Variants in OCA2 observed in about 807,000 individuals in gnomAD.
The protein encoded by OCA2 is P protein.
OCA2 carries 77 observed loss-of-function variants against 100.2 expected under a neutral mutation model. That is an observed-to-expected ratio of 0.77 (90% confidence interval 0.64 to 0.93). The LOEUF is 0.93. Among genes scored for constraint, OCA2 ranks in the 40% least tolerant of loss-of-function variants. OCA2 has a pLI of 0.00. For synonymous variants in OCA2, 432 were observed against 439.2 expected, an observed-to-expected ratio of 0.98 and a Z score of 0.21; for missense variants, 1,062 against 1,089.1, an observed-to-expected ratio of 0.98 and a Z score of 0.35.
At chr15:27,967,778 G>A (rs1373151231) in intron 14 of OCA2, among the ~76,000 whole-genome samples, 2 of 152,240 alleles carry the variant, frequency 1.3e-5, no homozygotes, top group Non-Finnish European at 2.9e-5. Context: ...TTAGAGTTGG[G>A]CAAATCCCCA....
At chr15:28,044,036 T>C (rs1242031609) in intron 2 of OCA2, among the ~76,000 whole-genome samples, 1 of 152,194 alleles carries the variant, frequency 6.6e-6, no homozygotes, top group Non-Finnish European at 1.5e-5. Context: ...TACCTCCATA[T>C]GTTATTGGAT....
chr15:27,973,916 T>C (rs1289489920), intron 14 of OCA2, among the ~76,000 whole-genome samples: 1 of 152,224 alleles, frequency 6.6e-6, no homozygotes, highest in Non-Finnish European at 1.5e-5. Context: ...GTTAAGTATA[T>C]CCCTAGGTAT....
rs1226502822 is a variant in OCA2 at position 27,955,156 on chromosome 15, A to G, written c.1842+2T>C. ...AATCCCTGAGGAAAGAAAGCTGGGT[A>G]CCTTTTTTTGGAGTTCTTGGATATT... On this transcript the variant is annotated splice_donor_variant, in intron 17 of 23. Coordinates refer to ENST00000354638, the MANE Select transcript of OCA2 (RefSeq NM_000275.3). LOFTEE classifies it high-confidence loss of function. 3.1e-6 allele frequency: 5 copies of G among 1,605,784 alleles called. No individual in the cohort carries two copies. The highest frequency in any genetic ancestry group is 4.3e-6 in the Non-Finnish European group (5 of 1,172,342).
intron 19 of OCA2, among the ~76,000 whole-genome samples, chr15:27,872,364 G>C (rs1173913103): frequency 6.6e-6 from 1 of 152,156 alleles, no homozygotes; most frequent in East Asian, 1.9e-4. Flanking sequence ...AAGAAAGAAA[G>C]GAAAAGTCTA....
intron 23 of OCA2, among the ~76,000 whole-genome samples, chr15:27,773,428 G>A (rs923361301): frequency 6.6e-6 from 1 of 152,070 alleles, no homozygotes; most frequent in Non-Finnish European, 1.5e-5. Context: ...TTCAATATGA[G>A]ATTTTAGACT....
intron 2 of OCA2, among the ~76,000 whole-genome samples, chr15:28,036,342 A>G (rs1023578097): frequency 5.3e-5 from 8 of 152,172 alleles, no homozygotes; most frequent in Non-Finnish European, 1.0e-4. Context: ...CTTGGTGCCC[A>G]TGGTCCTTTT....
intron 19 of OCA2, among the ~76,000 whole-genome samples, chr15:27,925,643 G>A (rs969327715): frequency 2.0e-5 from 3 of 152,184 alleles, no homozygotes; most frequent in Admixed American, 2.0e-4. Context: ...TCTGTTTGAG[G>A]AGGACACAAA....
At chr15:27,942,108 A>T (rs2039668042) in intron 18 of OCA2, among the ~76,000 whole-genome samples, 1 of 151,998 alleles carries the variant, frequency 6.6e-6, no homozygotes, top group Non-Finnish European at 1.5e-5. Flanking sequence ...CAGGGTTTCT[A>T]AAAGTTCAAC....
chr15:28,035,428 G>A (rs1213824251), intron 2 of OCA2, among the ~76,000 whole-genome samples: 1 of 152,168 alleles, frequency 6.6e-6, no homozygotes, highest in Non-Finnish European at 1.5e-5. Context: ...AGGAGGCCTT[G>A]GGGCCCTGTT....
intron 2 of OCA2, among the ~76,000 whole-genome samples, chr15:28,053,605 G>A (rs2043586222): frequency 6.6e-6 from 1 of 152,160 alleles, no homozygotes; most frequent in Non-Finnish European, 1.5e-5. Context: ...AAACAAGCCT[G>A]GGCTCTTGCT....
At chr15:28,020,835 A>C (rs1177809172) in intron 6 of OCA2, among the ~76,000 whole-genome samples, 1 of 152,156 alleles carries the variant, frequency 6.6e-6, no homozygotes, top group East Asian at 1.9e-4. Flanking sequence ...GGGAAGCACA[A>C]ACTGTGACCA....
chr15:27,874,377 T>C (rs76374135), intron 19 of OCA2, among the ~76,000 whole-genome samples: 2,399 of 152,288 alleles, frequency 0.016, 56 homozygotes, highest in African/African-American at 0.05. Context: ...GTTTCTCACA[T>C]TGAGCCAAGA....
chr15:27,951,759 T>G (rs772655059), intron 18 of OCA2, 25 bp downstream of exon 18: 3 of 1,481,388 alleles, frequency 2.0e-6, no homozygotes, highest in Non-Finnish European at 9.4e-7. Context: ...ACAAAGCCTA[T>G]GAACCAAAGC....
At chr15:27,753,561 G>A (rs962213361), downstream of OCA2, among the ~76,000 whole-genome samples, 2 of 152,072 alleles carry the variant, frequency 1.3e-5, no homozygotes, top group East Asian at 1.9e-4. Flanking sequence ...GTGAAACCCC[G>A]TGTCTACTAA....
intron 23 of OCA2, among the ~76,000 whole-genome samples, chr15:27,773,012 G>C (rs1595386618): frequency 6.6e-6 from 1 of 151,856 alleles, no homozygotes; most frequent in East Asian, 1.9e-4. Context: ...CAATATTTTT[G>C]GCAATTAGAA....
intron 1 of OCA2, among the ~76,000 whole-genome samples, chr15:28,082,909 A>G (rs1345248961): frequency 6.6e-6 from 1 of 152,210 alleles, no homozygotes; most frequent in African/African-American, 2.4e-5. Flanking sequence ...TTTGGGGCTT[A>G]TATTTCAAAC....
chr15:27,861,035 T>C (rs539406814), intron 21 of OCA2, among the ~76,000 whole-genome samples: 2 of 152,222 alleles, frequency 1.3e-5, no homozygotes, highest in East Asian at 3.9e-4. Context: ...AAGGAAGAAT[T>C]TGGAATGTAT....
chr15:28,091,924 C>G (rs144420001), intron 1 of OCA2, among the ~76,000 whole-genome samples: 1 of 152,242 alleles, frequency 6.6e-6, no homozygotes, highest in African/African-American at 2.4e-5. Context: ...CCACTGCATT[C>G]CAGTCTGGGT....
chr15:27,894,060 C>A (rs1432187212), intron 19 of OCA2, among the ~76,000 whole-genome samples: 1 of 152,194 alleles, frequency 6.6e-6, no homozygotes, highest in Non-Finnish European at 1.5e-5. Flanking sequence ...ACAGTCCTAC[C>A]AATATGTGAT....
Sources: gnomAD v4.1 joint callset for allele counts (sites outside exome capture counted in the v4.1 genomes callset) on GRCh38, gnomAD v4.1.1 for gene constraint, MANE v1.5 for transcripts, NCBI Gene and HGNC (gene_info 2026-07-23, HGNC 2026-07-21) for gene names.